Variants in RNLS observed in about 807,000 individuals in gnomAD.
RNLS encodes renalase.
A neutral mutation model predicts 39.8 loss-of-function variants in RNLS; 39 were observed. The observed-to-expected ratio is 0.98, with a 90% CI of 0.76 to 1.28. RNLS has a LOEUF of 1.28. RNLS is among the 50% of genes most tolerant of loss of function. RNLS has a pLI of 0.00. For missense variants in RNLS, 410 were observed against 413.3 expected, an observed-to-expected ratio of 0.99 and a Z score of 0.07; for synonymous variants, 147 against 150.7, an observed-to-expected ratio of 0.98 and a Z score of 0.18.
intron 6 of RNLS, among the ~76,000 whole-genome samples, chr10:88,313,134 A>G (rs894876597): frequency 6.6e-6 from 1 of 152,234 alleles, no homozygotes; most frequent in Admixed American, 6.5e-5. Context: ...AACTTTGATT[A>G]GACCATTTTG....
chr10:88,562,030 A>C (rs753316009), intron 4 of RNLS, among the ~76,000 whole-genome samples: 1 of 152,068 alleles, frequency 6.6e-6, no homozygotes, highest in Non-Finnish European at 1.5e-5. Flanking sequence ...GATTGATAAA[A>C]ATTTAAAATA....
At chr10:88,280,567 A>C (rs1389225213), downstream of RNLS, among the ~76,000 whole-genome samples, 1 of 152,150 alleles carries the variant, frequency 6.6e-6, no homozygotes, top group East Asian at 1.9e-4. Context: ...ACATTTTCTT[A>C]AAGGACTACA....
At chr10:88,289,156 T>G (rs2132642212) in intron 6 of RNLS, among the ~76,000 whole-genome samples, 1 of 152,288 alleles carries the variant, frequency 6.6e-6, no homozygotes, top group Non-Finnish European at 1.5e-5. Flanking sequence ...TAAATAAAGC[T>G]GAAGAAGTGG....
At chr10:88,460,043 G>A (rs749510572) in intron 4 of RNLS, among the ~76,000 whole-genome samples, 4 of 152,136 alleles carry the variant, frequency 2.6e-5, no homozygotes, top group Non-Finnish European at 4.4e-5. Flanking sequence ...ATGGTGTTAA[G>A]CAGTTTATTA....
intron 4 of RNLS, among the ~76,000 whole-genome samples, chr10:88,519,073 A>C (rs933348283): frequency 6.6e-6 from 1 of 152,098 alleles, no homozygotes; most frequent in African/African-American, 2.4e-5. Context: ...TTTAAAAAGC[A>C]TCTGAGTCCT....
intron 6 of RNLS, among the ~76,000 whole-genome samples, chr10:88,286,178 C>T (rs1423729556): frequency 6.6e-6 from 1 of 152,114 alleles, no homozygotes; most frequent in Admixed American, 6.6e-5. Flanking sequence ...ACTCCTCATC[C>T]CATGGTTCCT....
At chr10:88,201,062 G>A in the RNLS span, among the ~76,000 whole-genome samples, 2 of 147,052 alleles carry the variant, frequency 1.4e-5, no homozygotes, top group African/African-American at 5.1e-5. Flanking sequence ...GTGTCTTCAT[G>A]TCCCTGACCT....
At chr10:88,483,904 A>C (rs1005457499) in intron 4 of RNLS, among the ~76,000 whole-genome samples, 2 of 152,142 alleles carry the variant, frequency 1.3e-5, no homozygotes, top group Non-Finnish European at 2.9e-5. Context: ...TATTTAGTGA[A>C]TATAATAAAG....
chr10:88,214,311 CAG>C, the RNLS span, among the ~76,000 whole-genome samples: 1 of 152,150 alleles, frequency 6.6e-6, no homozygotes, highest in African/African-American at 2.4e-5. Context: ...TACAGCAAAA[CAG>C]AGCTAAGCTG....
At chr10:88,542,889 C>T (rs992222378) in intron 4 of RNLS, among the ~76,000 whole-genome samples, 2 of 152,144 alleles carry the variant, frequency 1.3e-5, no homozygotes, top group African/African-American at 4.8e-5. Context: ...GCTCCAGGTT[C>T]TCATGAGACA....
chr10:88,211,741 C>T, the RNLS span, among the ~76,000 whole-genome samples: 2 of 152,142 alleles, frequency 1.3e-5, no homozygotes, highest in African/African-American at 4.8e-5. Flanking sequence ...GGGGCCAGAT[C>T]CTACTGGACT....
the RNLS span, among the ~76,000 whole-genome samples, chr10:88,205,537 C>T: frequency 6.6e-6 from 1 of 152,076 alleles, no homozygotes; most frequent in Non-Finnish European, 1.5e-5. Context: ...AAGAATCAGT[C>T]GCTTCACTTT....
intron 5 of RNLS, among the ~76,000 whole-genome samples, chr10:88,349,171 A>C (rs1348379557): frequency 1.3e-5 from 2 of 152,196 alleles, no homozygotes; most frequent in Admixed American, 1.3e-4. Flanking sequence ...AATTGTGCTG[A>C]AAGACACTTC....
chr10:88,491,169 G>C (rs1476030682), intron 4 of RNLS, among the ~76,000 whole-genome samples: 2 of 152,136 alleles, frequency 1.3e-5, no homozygotes, highest in Non-Finnish European at 2.9e-5. Context: ...GCTAGTGCTA[G>C]TGGTTCATAT....
downstream of RNLS, among the ~76,000 whole-genome samples, chr10:88,280,930 A>G (rs972006753): frequency 1.3e-5 from 2 of 152,188 alleles, no homozygotes; most frequent in African/African-American, 4.8e-5. Flanking sequence ...AGCCTTTTAC[A>G]TTAACAACCC....
At chr10:88,455,579 T>C (rs1003853616) in intron 4 of RNLS, among the ~76,000 whole-genome samples, 1 of 152,052 alleles carries the variant, frequency 6.6e-6, no homozygotes, top group Admixed American at 6.5e-5. Context: ...GCTAATTTTT[T>C]GTATTTTTAG....
At chr10:88,362,470 GC>G in intron 5 of RNLS, 81 bp downstream of exon 5, 1 of 1,293,944 alleles carries the variant, frequency 7.7e-7, no homozygotes, top group Non-Finnish European at 1.1e-6. Context: ...GTTCAGAATG[GC>G]AACACTCAAT....
At chr10:88,431,581 C>A (rs1855135582) in intron 4 of RNLS, among the ~76,000 whole-genome samples, 1 of 151,586 alleles carries the variant, frequency 6.6e-6, no homozygotes, top group South Asian at 2.1e-4. Flanking sequence ...TGATTTGAGA[C>A]CTTTCTTCTT....
intron 4 of RNLS, among the ~76,000 whole-genome samples, chr10:88,430,561 T>G (rs904687720): frequency 1.3e-5 from 2 of 151,886 alleles, no homozygotes; most frequent in Admixed American, 6.6e-5. Flanking sequence ...ATCCTTATCT[T>G]GTACTCAACA....
Sources: allele counts gnomAD v4.1 joint callset (sites outside exome capture counted in the v4.1 genomes callset), GRCh38; gene constraint gnomAD v4.1.1; transcripts MANE v1.5; gene names NCBI Gene and HGNC (gene_info 2026-07-23, HGNC 2026-07-21).